Variants in SLCO1B3 observed in about 807,000 individuals in gnomAD.
SLCO1B3 encodes solute carrier organic anion transporter family member 1B3.
A neutral mutation model predicts 71.8 loss-of-function variants in SLCO1B3; 72 were observed. The observed-to-expected ratio is 1.00, with a 90% CI of 0.83 to 1.22. The LOEUF (loss-of-function observed/expected upper bound fraction) is 1.22, where lower values mean the gene tolerates loss of function less well. Ranked by LOEUF, SLCO1B3 falls within the 50% of genes most tolerant of loss-of-function variation. The pLI, the probability that SLCO1B3 is intolerant of heterozygous loss-of-function variation, is 0.00. For missense variants in SLCO1B3, 911 were observed against 819.7 expected, an observed-to-expected ratio of 1.11 and a Z score of -1.36; for synonymous variants, 298 against 278.4, an observed-to-expected ratio of 1.07 and a Z score of -0.70.
chr12:20,839,402 T>C (rs1864749277), intron 3 of SLCO1B3, among the ~76,000 whole-genome samples: 1 of 152,092 alleles, frequency 6.6e-6, no homozygotes, highest in Non-Finnish European at 1.5e-5. Flanking sequence ...TTTTCTTTCA[T>C]GTTAGAAGAT....
chr12:20,904,446 A>G (rs1346037154), intron 15 of SLCO1B3, among the ~76,000 whole-genome samples: 1 of 152,096 alleles, frequency 6.6e-6, no homozygotes, highest in East Asian at 1.9e-4. Context: ...ACAATGATGC[A>G]AGAGATTTGT....
intron 13 of SLCO1B3, among the ~76,000 whole-genome samples, chr12:20,885,857 A>G (rs1272692389): frequency 6.6e-6 from 1 of 152,078 alleles, no homozygotes; most frequent in Admixed American, 6.6e-5. Context: ...CAGAGGGTTT[A>G]AGCATTAGTA....
At chr12:20,854,027 C>T (rs1356916430) in intron 3 of SLCO1B3, among the ~76,000 whole-genome samples, 1 of 151,786 alleles carries the variant, frequency 6.6e-6, no homozygotes, top group Non-Finnish European at 1.5e-5. Flanking sequence ...TTGTTTTATT[C>T]CTGCTTTTAA....
At chr12:20,838,219 G>T (rs1445197595) in intron 3 of SLCO1B3, among the ~76,000 whole-genome samples, 1 of 150,742 alleles carries the variant, frequency 6.6e-6, no homozygotes, top group African/African-American at 2.4e-5. Flanking sequence ...TTTAACCTCT[G>T]GTAACTTTCC....
At chr12:20,836,024 G>T (rs1435741109) in intron 3 of SLCO1B3, among the ~76,000 whole-genome samples, 1 of 152,158 alleles carries the variant, frequency 6.6e-6, no homozygotes, top group Non-Finnish European at 1.5e-5. Context: ...AGGAGCAAAG[G>T]TACATCTTAC....
intron 8 of SLCO1B3, among the ~76,000 whole-genome samples, chr12:20,874,545 T>C (rs1384094851): frequency 6.6e-6 from 1 of 152,218 alleles, no homozygotes; most frequent in African/African-American, 2.4e-5. Flanking sequence ...CTGTATATTT[T>C]CTACCTACTA....
chr12:20,906,921 T>G (rs1565609435), intron 15 of SLCO1B3, among the ~76,000 whole-genome samples: 2 of 152,166 alleles, frequency 1.3e-5, no homozygotes, highest in African/African-American at 4.8e-5. Context: ...TAAAGATATC[T>G]ATACTCCCAA....
intron 2 of SLCO1B3, among the ~76,000 whole-genome samples, chr12:20,814,618 C>T (rs1864158814): frequency 1.3e-5 from 2 of 152,070 alleles, no homozygotes; most frequent in Admixed American, 6.6e-5. Flanking sequence ...AGGCTGGGCG[C>T]GGTGGTTCAC....
chr12:20,890,070 A>G (rs552442348), intron 13 of SLCO1B3, among the ~76,000 whole-genome samples: 1 of 151,862 alleles, frequency 6.6e-6, no homozygotes, highest in Non-Finnish European at 1.5e-5. Context: ...GACCTGTGCC[A>G]CCACACCCAG....
At chr12:20,849,711 T>TCACACACACACACACA (rs146186543) in intron 3 of SLCO1B3, among the ~76,000 whole-genome samples, 2 of 126,370 alleles carry the variant, frequency 1.6e-5, no homozygotes, top group Non-Finnish European at 3.6e-5. Flanking sequence ...TAGTAGAAAA[T>TCACACACACACACACA]CACACACACA....
At chr12:20,881,815 T>C (rs1865699423) in intron 12 of SLCO1B3, among the ~76,000 whole-genome samples, 1 of 152,210 alleles carries the variant, frequency 6.6e-6, no homozygotes, top group Non-Finnish European at 1.5e-5. Context: ...TTTCAGGCCC[T>C]TTCCCTATTA....
intron 3 of SLCO1B3, among the ~76,000 whole-genome samples, chr12:20,835,325 G>T (rs35297585): frequency 0.15 from 22,897 of 152,112 alleles, 1,934 homozygotes; most frequent in African/African-American, 0.23. Flanking sequence ...ATTAACATTT[G>T]TCTCCTCATT....
chr12:20,817,965 G>T (rs886469268), intron 3 of SLCO1B3, among the ~76,000 whole-genome samples: 1 of 152,034 alleles, frequency 6.6e-6, no homozygotes, highest in African/African-American at 2.4e-5. Context: ...TTGGAGAAAC[G>T]GTGTAAACCA....
chr12:20,916,096 GA>G lies in SLCO1B3; in HGVS notation c.1962del (p.Asp655IlefsTer11). ...TTTGCTATGAAGAAAAAATTTCAAGGAAAAGATACCAAGGCATCGGACAATG... is the reference window on the plus strand; with the variant it reads ...TTTGCTATGAAGAAAAAATTTCAAGGAAAGATACCAAGGCATCGGACAATG... Reference protein sequence around the residue: ...FIFAMKKKFQGKDTKASDNER... With the variant: ...FIFAMKKKFQXKDTKASDNER... On this transcript the variant is annotated frameshift_variant, in exon 16 of 16. Transcript: ENST00000381545. LOFTEE classifies it high-confidence loss of function. 1 of 1,613,254 alleles carries G rather than the reference GA, an allele frequency of 6.2e-7. No individual in the cohort carries two copies. The highest frequency in any genetic ancestry group is 8.5e-7 in the Non-Finnish European group (1 of 1,179,538).
Position 20,875,386 on chromosome 12 carries a change from A to G in SLCO1B3, c.879A>G (p.Ser293=), listed in dbSNP as rs1033345418. 7 of 1,612,352 alleles carry G rather than the reference A, an allele frequency of 4.3e-6. No homozygotes were observed. The highest frequency in any genetic ancestry group is 5.9e-6 in the Non-Finnish European group (7 of 1,179,232). The change falls in exon 9 of 16, where the codon TCA becomes TCG. Residue 293 remains serine, a synonymous_variant. Coordinates refer to ENST00000381545, the MANE Select transcript of SLCO1B3 (RefSeq NM_019844.4). ...PNKPQKERKI[S]LSLHVLKTND... is the part of the protein sequence containing the mutation. ...AACCACAAAAAGAAAGAAAAATTTCACTATCATTGCATGTGCTGAAAACAA... is the reference window on the plus strand; with the variant it reads ...AACCACAAAAAGAAAGAAAAATTTCGCTATCATTGCATGTGCTGAAAACAA...
intron 14 of SLCO1B3, 98 bp downstream of exon 14, chr12:20,898,598 A>C (rs1276124139): frequency 1.9e-6 from 1 of 539,184 alleles, no homozygotes. Context: ...AGACTGTATA[A>C]AAAAGAATAG....
chr12:20,862,878 C>A (rs753015218), intron 8 of SLCO1B3, 24 bp downstream of exon 8: 2 of 1,300,130 alleles, frequency 1.5e-6, no homozygotes, highest in Non-Finnish European at 1.1e-6. Flanking sequence ...GAACAAGGTA[C>A]CATGATAGTG....
At chr12:20,865,137 G>C (rs148319004) in intron 8 of SLCO1B3, among the ~76,000 whole-genome samples, 2 of 152,200 alleles carry the variant, frequency 1.3e-5, no homozygotes, top group African/African-American at 4.8e-5. Context: ...ATGACCTTTA[G>C]TTCCTATATA....
At chr12:20,893,655 G>A (rs1865947148) in intron 13 of SLCO1B3, among the ~76,000 whole-genome samples, 1 of 152,154 alleles carries the variant, frequency 6.6e-6, no homozygotes. Context: ...GGGCTACAAA[G>A]AATGTAGGAA....
Sources: allele counts gnomAD v4.1 joint callset (sites outside exome capture counted in the v4.1 genomes callset), GRCh38; gene constraint gnomAD v4.1.1; transcripts MANE v1.5; gene names NCBI Gene and HGNC (gene_info 2026-07-23, HGNC 2026-07-21).